Variants in CARS1 observed in about 807,000 individuals in gnomAD.
The protein encoded by CARS1 is cysteinyl-tRNA synthetase 1, also known as cysteine--tRNA ligase, cytoplasmic.
Under a neutral mutation model 106.2 loss-of-function variants are expected in CARS1, and 48 were observed. The observed-to-expected ratio is 0.45, with a 90% CI of 0.36 to 0.57. The LOEUF is 0.57. Among genes scored for constraint, CARS1 ranks in the 20% least tolerant of loss-of-function variants. CARS1 has a pLI of 0.00. For missense variants in CARS1, 968 were observed against 1,057.2 expected, an observed-to-expected ratio of 0.92 and a Z score of 1.17; for synonymous variants, 409 against 403.4, an observed-to-expected ratio of 1.01 and a Z score of -0.17.
Position 3,039,092 on chromosome 11 carries a change from A to T in CARS1, c.651+102T>A. The T allele has an allele frequency of 4.1e-6, 3 of 737,504 alleles. 1 individual carries two copies. In the South Asian group the frequency reaches 5.1e-5, roughly 12 times the overall value. The allele number at this position is 737,504 out of a possible 1,614,324, so 45.7% of individuals were successfully genotyped here. A position where few individuals can be genotyped will look rare whatever the true frequency, so the allele number is the denominator to read the frequency against. On this transcript the variant is annotated intron_variant, in intron 6 of 22. Coordinates refer to ENST00000380525, the MANE Select transcript of CARS1 (RefSeq NM_001014437.3). This position sits in a 1 kb window ranked among gnomAD's most constrained non-coding sequence, Gnocchi z 5.6. ...TGGCTTGAGTAACATACACTTTGTG[A>T]AAGCCTGTGAGACTGACACTACCCT...
chr11:3,028,928 G>A lies in CARS1; in HGVS notation c.1031+68C>T. Reference sequence around the variant, plus strand: ...TCTGCTTCCCAAACTCAGGCTCAGAGCTGGGGAGCTCCTCCCTGTGCGATG... The same window carrying A: ...TCTGCTTCCCAAACTCAGGCTCAGAACTGGGGAGCTCCTCCCTGTGCGATG... On this transcript the variant is annotated intron_variant, in intron 9 of 22. Transcript: ENST00000380525. The surrounding 1 kb of genome is among the most constrained non-coding windows in gnomAD (Gnocchi z 4.4). 9.2e-7 allele frequency: 1 copy of A among 1,083,060 alleles called. No individual in the cohort carries two copies. The highest frequency in any genetic ancestry group is 1.4e-6 in the Non-Finnish European group (1 of 701,106). The allele number at this position is 1,083,060 out of a possible 1,614,324, so 67.1% of individuals were successfully genotyped here.
chr11:3,037,094 C>G lies in CARS1; in HGVS notation c.801+956G>C, dbSNP rs1853744922. Reference sequence around the variant, plus strand: ...TAAGAAGGAAACCTAACTGCCCGTCCCAGGAGAACAGACAAACAGCTCGGC... The same window carrying G: ...TAAGAAGGAAACCTAACTGCCCGTCGCAGGAGAACAGACAAACAGCTCGGC... On this transcript the variant is annotated intron_variant, in intron 7 of 22. Coordinates refer to ENST00000380525, the MANE Select transcript of CARS1 (RefSeq NM_001014437.3). The surrounding 1 kb of genome is among the most constrained non-coding windows in gnomAD (Gnocchi z 5.9). Among the ~76,000 whole-genome samples the G allele has an allele frequency of 6.6e-6, 1 of 152,098 alleles. No homozygotes were observed. Among genetic ancestry groups the G allele is most frequent in the East Asian group, 1.9e-4 (1 of 5,198 alleles).
Position 3,022,362 on chromosome 11 carries a change from C to A in CARS1, c.1154-2030G>T, listed in dbSNP as rs1224727814. ...TTTACCTCCCTGTCCCATGACTTCG[C>A]CCCTCACTTCCCCAGCAACCGGCAA... On this transcript the variant is annotated intron_variant, in intron 10 of 22. Coordinates refer to ENST00000380525, the MANE Select transcript of CARS1 (RefSeq NM_001014437.3). The surrounding 1 kb of genome is among the most constrained non-coding windows in gnomAD (Gnocchi z 4.9). Among the ~76,000 whole-genome samples, 1 of 152,136 alleles carries A rather than the reference C, an allele frequency of 6.6e-6. No homozygotes were observed. Among genetic ancestry groups the A allele is most frequent in the Admixed American group, 6.5e-5 (1 of 15,272 alleles).
chr11:3,006,910 G>A lies in CARS1; in HGVS notation c.2118C>T (p.Pro706=), dbSNP rs729662. Residue 706 remains proline (P), a synonymous_variant, in exon 19 of 23, where the codon CCC becomes CCT. Coordinates refer to ENST00000380525, the MANE Select transcript of CARS1 (RefSeq NM_001014437.3). ...GGTCTTCAAACCGCACCCCAAGCTC[G>A]GGCAGGATGTTGTCCCGCAGGGCAT... ...LSDALRDNIL[P]ELGVRFEDHE... is the part of the protein sequence containing the mutation. The A allele has an allele frequency of 0.3, 485,815 of 1,613,298 alleles. 81,250 individuals are homozygous for A. Among genetic ancestry groups the A allele is most frequent in the East Asian group, 0.65 (28,953 of 44,864 alleles).
Position 3,048,368 on chromosome 11 carries a change from CAG to C in CARS1, c.26-369_26-368del. On this transcript the variant is annotated intron_variant, in intron 1 of 22. Coordinates refer to ENST00000380525, the MANE Select transcript of CARS1 (RefSeq NM_001014437.3). This position sits in a 1 kb window ranked among gnomAD's most constrained non-coding sequence, Gnocchi z 5.1. ...AATTTATGTTTTCTATCAGGGAAAG[CAG>C]GAACACAGTTCCACACCATCACAAA... The C allele has an allele frequency of 5.2e-6, 1 of 193,302 alleles. No homozygotes were observed. The highest frequency in any genetic ancestry group is 1.1e-5 in the Non-Finnish European group (1 of 92,020). The allele number at this position is 193,302 out of a possible 1,614,324, so 12.0% of individuals were successfully genotyped here.
chr11:3,039,834 C>T lies in CARS1; in HGVS notation c.552+1G>A, dbSNP rs765148061. The T allele has an allele frequency of 1.4e-6, 2 of 1,463,890 alleles. No homozygotes were observed. Among genetic ancestry groups the T allele is most frequent in the South Asian group, 2.4e-5 (2 of 81,690 alleles). 90.7% of individuals were successfully genotyped at this position (1,463,890 alleles called of 1,614,324 possible). On this transcript the variant is annotated splice_donor_variant, in intron 5 of 22. Transcript: ENST00000380525. LOFTEE classifies it high-confidence loss of function. This position sits in a 1 kb window ranked among gnomAD's most constrained non-coding sequence, Gnocchi z 5.6. ...AATTTAATCTTACAAATTCCCTTTA[C>T]CTTGTCATCAATATCCGTAATGTTC...
intron 7 of CARS1, among the ~76,000 whole-genome samples, chr11:3,031,978 T>G: frequency 7.1e-6 from 1 of 140,702 alleles, no homozygotes. Context: ...CTCTGTTCTT[T>G]TCTTTCTCCT....
In CARS1 at chr11:3,032,060, C is replaced by G. The variant is rs193180951; in HGVS notation, c.802-2617G>C. On this transcript the variant is annotated intron_variant, in intron 7 of 22. Transcript: ENST00000380525. ...CCTCCCTCCCTCCCTCCCTCCCTCC[C>G]TCCTTCCTTCCTTCCTTCCTTCCTT... is the stretch of plus-strand genomic sequence containing the variant. Among the ~76,000 whole-genome samples the G allele has an allele frequency of 2.6e-3, 52 of 20,064 alleles. 2 individuals carry two copies. The highest frequency in any genetic ancestry group is 0.011 in the African/African-American group (49 of 4,412). The allele number at this position is 20,064 out of a possible 152,430, so 13.2% of individuals were successfully genotyped here. A position where few individuals can be genotyped will look rare whatever the true frequency, so the allele number is the denominator to read the frequency against.
Position 3,012,244 on chromosome 11 carries a change from C to T in CARS1, c.2019G>A (p.Val673=), listed in dbSNP as rs371851942. The T allele has an allele frequency of 1.5e-5, 24 of 1,614,160 alleles. No homozygotes were observed. Among genetic ancestry groups the T allele is most frequent in the Non-Finnish European group, 7.6e-6 (9 of 1,180,056 alleles). The change falls in exon 18 of 23, where the codon GTG becomes GTA. Residue 673 remains valine (V), a synonymous_variant. Coordinates refer to ENST00000380525, the MANE Select transcript of CARS1 (RefSeq NM_001014437.3). ...GCACTCCTTCTCGGAATTCTGATAA[C>T]ACCTGAAGGTAGGGCATGACTGTGG... is the stretch of plus-strand genomic sequence containing the variant. ...LEATVMPYLQ[V]LSEFREGVRK...
rs545745851 is a variant in CARS1 at position 3,048,177 on chromosome 11, G to A, written c.26-176C>T. 1.3e-5 allele frequency among the ~76,000 whole-genome samples: 2 copies of A among 152,300 alleles called. No individual in the cohort carries two copies. Among genetic ancestry groups the A allele is most frequent in the East Asian group, 3.9e-4 (2 of 5,188 alleles). ...CAGGGGCAGCGCTTCGACTGGGGGC[G>A]AGGGAGTGACTGCCTGACAGGTATG... On this transcript the variant is annotated intron_variant, in intron 1 of 22. Transcript: ENST00000380525. The surrounding 1 kb of genome is among the most constrained non-coding windows in gnomAD (Gnocchi z 5.1).
chr11:3,053,244 T>C lies in CARS1; in HGVS notation c.25+4099A>G, dbSNP rs1855873082. Among the ~76,000 whole-genome samples, 1 of 152,168 alleles carries C rather than the reference T, an allele frequency of 6.6e-6. No homozygotes were observed. Among genetic ancestry groups the C allele is most frequent in the South Asian group, 2.1e-4 (1 of 4,836 alleles). On this transcript the variant is annotated intron_variant, in intron 1 of 22. Coordinates refer to ENST00000380525, the MANE Select transcript of CARS1 (RefSeq NM_001014437.3). This position sits in a 1 kb window ranked among gnomAD's most constrained non-coding sequence, Gnocchi z 6.6. Reference sequence around the variant, plus strand: ...TTTTATTTTATTTTATTTTATTTTATTTTTTGAGACGGAGTCTCGCTCGTC... The same window carrying C: ...TTTTATTTTATTTTATTTTATTTTACTTTTTGAGACGGAGTCTCGCTCGTC...
chr11:3,028,537 A>G lies in CARS1; in HGVS notation c.1031+459T>C, dbSNP rs768399382. 25 of 235,044 alleles carry G rather than the reference A, an allele frequency of 1.1e-4. No individual in the cohort carries two copies. Among genetic ancestry groups the G allele is most frequent in the Non-Finnish European group, 1.9e-4 (23 of 123,164 alleles). 14.6% of individuals were successfully genotyped at this position (235,044 alleles called of 1,614,324 possible). On this transcript the variant is annotated intron_variant, in intron 9 of 22. Coordinates refer to ENST00000380525, the MANE Select transcript of CARS1 (RefSeq NM_001014437.3). This position sits in a 1 kb window ranked among gnomAD's most constrained non-coding sequence, Gnocchi z 4.4. ...TGCTTACTTTGGAGATTGAGACAAT[A>G]CGGGCCAGGGAAGTGTATGATGGAT...
intron 16 of CARS1, 69 bp from the exon 17 acceptor site, chr11:3,015,918 A>G: frequency 7.5e-7 from 1 of 1,337,364 alleles, no homozygotes; most frequent in Non-Finnish European, 1.1e-6. Flanking sequence ...AGCAGCTGTG[A>G]GCTGTGTTCC....
intron 21 of CARS1, 54 bp downstream of exon 21, chr11:3,002,487 G>T: frequency 1.2e-6 from 2 of 1,607,980 alleles, no homozygotes; most frequent in Non-Finnish European, 1.7e-6. Flanking sequence ...AGGGCATGGG[G>T]TCAGGGTGCA....
chr11:3,018,899 G>A (rs1242483672), intron 12 of CARS1, 150 bp from the exon 13 acceptor site: 1 of 1,182,680 alleles, frequency 8.5e-7, no homozygotes, highest in Non-Finnish European at 1.2e-6. Context: ...GGACAGCCCA[G>A]GTTAATAAGC....
intron 1 of CARS1, among the ~76,000 whole-genome samples, chr11:3,051,238 C>G (rs1448568221): frequency 6.6e-5 from 10 of 152,382 alleles, no homozygotes; most frequent in Admixed American, 5.9e-4. Flanking sequence ...TTCACTTCAG[C>G]TCTTCCAACA....
intron 7 of CARS1, among the ~76,000 whole-genome samples, chr11:3,033,182 A>C (rs1853101019): frequency 6.6e-6 from 1 of 152,192 alleles, no homozygotes; most frequent in African/African-American, 2.4e-5. Flanking sequence ...AACAGGAAGA[A>C]TTAGCAAAGA....
chr11:3,010,438 C>T (rs150052559), intron 18 of CARS1, among the ~76,000 whole-genome samples: 41 of 152,366 alleles, frequency 2.7e-4, no homozygotes, highest in Middle Eastern at 3.4e-3. Flanking sequence ...GAGAGCCCTG[C>T]GCTGGTCCTG....
At chr11:3,005,957 T>A (rs1489684326) in intron 19 of CARS1, among the ~76,000 whole-genome samples, 1 of 151,280 alleles carries the variant, frequency 6.6e-6, no homozygotes, top group South Asian at 2.1e-4. Context: ...CAGCCAGGAG[T>A]AGGAAAATAG....
Sources: gnomAD v4.1 joint callset for allele counts (sites outside exome capture counted in the v4.1 genomes callset) on GRCh38, gnomAD v4.1.1 for gene constraint, Gnocchi (gnomAD v3.1) non-coding constraint, MANE v1.5 for transcripts, NCBI Gene and HGNC (gene_info 2026-07-23, HGNC 2026-07-21) for gene names.